ZDHHC17: variants seen among roughly 807,000 people sequenced by gnomAD.
ZDHHC17 encodes the protein zDHHC palmitoyltransferase 17.
In ZDHHC17, 40 loss-of-function variants were observed where a neutral mutation model predicts 90.3. The ratio of observed to expected loss-of-function variants is 0.44; its 90% CI spans 0.34 to 0.58. The LOEUF is 0.58. Among genes scored for constraint, ZDHHC17 ranks in the 20% least tolerant of loss-of-function variants. The pLI is 0.01. For synonymous variants in ZDHHC17, 235 were observed against 252.4 expected, an observed-to-expected ratio of 0.93 and a Z score of 0.65; for missense variants, 614 against 780.8, an observed-to-expected ratio of 0.79 and a Z score of 2.55.
chr12:76,778,721 A>G (rs1284759973), intron 1 of ZDHHC17, among the ~76,000 whole-genome samples: 1 of 152,240 alleles, frequency 6.6e-6, no homozygotes, highest in Non-Finnish European at 1.5e-5. Context: ...GATGTTAAAT[A>G]TCTTTTCATG....
At chr12:76,780,971 C>CA (rs1301468887) in intron 1 of ZDHHC17, among the ~76,000 whole-genome samples, 3,981 of 138,894 alleles carry the variant, frequency 0.029, 67 homozygotes, top group Non-Finnish European at 0.043. Flanking sequence ...ACTAAAAATA[C>CA]AAAAAAAAAA....
rs1320056904 is a variant in ZDHHC17, at chr12:76,852,477, G to A, written c.*1492G>A. ...AAAAGAAAAGGGAGATAACTAATGA[G>A]CTTCTAGTGATGTTCAAAATTGCTG... On this transcript the variant is annotated 3_prime_UTR_variant, in exon 17 of 17. Transcript: ENST00000426126. 1 of 152,636 alleles carries A rather than the reference G, an allele frequency of 6.6e-6. No homozygotes were observed. The highest frequency in any genetic ancestry group is 1.5e-5 in the Non-Finnish European group (1 of 68,040). The allele number at this position is 152,636 out of a possible 1,614,324, so 9.5% of individuals were successfully genotyped here.
chr12:76,807,957 ATGTT>A lies in ZDHHC17; in HGVS notation c.321-1083_321-1080del, dbSNP rs926794391. Among the ~76,000 whole-genome samples, 116 of 152,264 alleles carry A rather than the reference ATGTT, an allele frequency of 7.6e-4. 1 individual carries two copies. Among genetic ancestry groups the A allele is most frequent in the African/African-American group, 2.6e-3 (110 of 41,546 alleles). On this transcript the variant is annotated intron_variant, in intron 3 of 16. Coordinates refer to ENST00000426126, the MANE Select transcript of ZDHHC17 (RefSeq NM_015336.4). ...TTAAAATGGATTCAGGAATAATTAA[ATGTT>A]TGCGTTATTAATAGTTTAATATTCT...
chr12:76,838,726 T>C (rs1953398488), intron 10 of ZDHHC17, among the ~76,000 whole-genome samples: 1 of 152,218 alleles, frequency 6.6e-6, no homozygotes. Context: ...TGGTATTTCT[T>C]GATACTTAGT....
rs182756153 is a variant in ZDHHC17 at position 76,851,824 on chromosome 12, A to G, written c.*839A>G. The stretch of plus-strand genomic sequence containing the variant: ...AAAAACAGTTCCATTTTTAAGGGTT[A>G]AGGTGGTATTTTCAAGAAAAGGCAG... On this transcript the variant is annotated 3_prime_UTR_variant, in exon 17 of 17. Coordinates refer to ENST00000426126, the MANE Select transcript of ZDHHC17 (RefSeq NM_015336.4). 1 of 152,780 alleles carries G rather than the reference A, an allele frequency of 6.5e-6. No homozygotes were observed. The highest frequency in any genetic ancestry group is 6.5e-5 in the Admixed American group (1 of 15,298). 9.5% of individuals were successfully genotyped at this position (152,780 alleles called of 1,614,324 possible).
At chr12:76,838,719 T>C (rs543512392) in intron 10 of ZDHHC17, among the ~76,000 whole-genome samples, 2 of 152,342 alleles carry the variant, frequency 1.3e-5, no homozygotes, top group Admixed American at 6.5e-5. Flanking sequence ...CAAGCCTTGG[T>C]ATTTCTTGAT....
chr12:76,786,979 G>A (rs75414846), intron 1 of ZDHHC17, among the ~76,000 whole-genome samples: 20 of 152,254 alleles, frequency 1.3e-4, no homozygotes, highest in African/African-American at 3.4e-4. Flanking sequence ...TTTCAGTTAC[G>A]TATCTTTGCC....
intron 10 of ZDHHC17, among the ~76,000 whole-genome samples, chr12:76,836,794 A>C (rs187315318): frequency 6.6e-6 from 1 of 152,232 alleles, no homozygotes; most frequent in Admixed American, 6.5e-5. Flanking sequence ...CCGTGTTGCT[A>C]TATTTAGGAG....
At chr12:76,838,968 C>T (rs528436893) in intron 10 of ZDHHC17, among the ~76,000 whole-genome samples, 1 of 152,232 alleles carries the variant, frequency 6.6e-6, no homozygotes, top group South Asian at 2.1e-4. Context: ...GATCAGGGTG[C>T]CAGCAAGTTT....
rs1307332387 is a variant in ZDHHC17 at position 76,795,928 on chromosome 12, T to G, written c.94-1506T>G. On this transcript the variant is annotated intron_variant, in intron 1 of 16. Coordinates refer to ENST00000426126, the MANE Select transcript of ZDHHC17 (RefSeq NM_015336.4). ...GTATATAATTATAAATGTTAAAGTG[T>G]ATTTTAACATTGGCTATAGCATTTT... Among the ~76,000 whole-genome samples, 5 of 152,160 alleles carry G rather than the reference T, an allele frequency of 3.3e-5. No individual in the cohort carries two copies. In the East Asian group the frequency reaches 7.7e-4, roughly 23 times the overall value.
chr12:76,789,765 A>G (rs775292284), intron 1 of ZDHHC17, among the ~76,000 whole-genome samples: 3 of 152,186 alleles, frequency 2.0e-5, no homozygotes, highest in Non-Finnish European at 2.9e-5. Context: ...ACATAACTTG[A>G]GTCTAGTAAT....
chr12:76,822,394 T>G lies in ZDHHC17; in HGVS notation c.772-12T>G. 3 of 1,611,606 alleles carry G rather than the reference T, an allele frequency of 1.9e-6. No individual in the cohort carries two copies. Among genetic ancestry groups the G allele is most frequent in the Non-Finnish European group, 2.5e-6 (3 of 1,178,072 alleles). On this transcript the variant is annotated splice_polypyrimidine_tract_variant and intron_variant, in intron 7 of 16. Coordinates refer to ENST00000426126, the MANE Select transcript of ZDHHC17 (RefSeq NM_015336.4). ...AACTTTTAATAGGAATTTCTTCTGT[T>G]TATATTATCAGGGCGAATCAGCGCT...
chr12:76,817,303 G>C (rs1339700058), intron 7 of ZDHHC17, among the ~76,000 whole-genome samples: 1 of 151,996 alleles, frequency 6.6e-6, no homozygotes, highest in Non-Finnish European at 1.5e-5. Context: ...AATTATGTGA[G>C]ATTACCTCAT....
chr12:76,850,666 G>A (rs758495684), intron 16 of ZDHHC17, among the ~76,000 whole-genome samples, 181 bp from the exon 17 acceptor site: 12 of 152,236 alleles, frequency 7.9e-5, no homozygotes, highest in Non-Finnish European at 1.6e-4. Flanking sequence ...ATTGTTGGCA[G>A]AGCAGTGGAG....
At chr12:76,831,644 CTGGCCTG>C (rs1953302608) in intron 10 of ZDHHC17, among the ~76,000 whole-genome samples, 2 of 152,012 alleles carry the variant, frequency 1.3e-5, no homozygotes, top group African/African-American at 4.8e-5. Flanking sequence ...GCCACTGTGC[CTGGCCTG>C]TGGTTTTTTT....
At chr12:76,829,955 G>C (rs1953279348) in intron 10 of ZDHHC17, among the ~76,000 whole-genome samples, 1 of 152,082 alleles carries the variant, frequency 6.6e-6, no homozygotes, top group South Asian at 2.1e-4. Context: ...AGCCTCCCAA[G>C]CAGCTGGGAC....
chr12:76,772,511 T>G (rs950121624), intron 1 of ZDHHC17, among the ~76,000 whole-genome samples: 1 of 150,672 alleles, frequency 6.6e-6, no homozygotes. Flanking sequence ...CTTCGTGTTG[T>G]GTATTCTATG....
chr12:76,809,288 A>G (rs1005271474), intron 4 of ZDHHC17, among the ~76,000 whole-genome samples, 168 bp downstream of exon 4: 1 of 152,190 alleles, frequency 6.6e-6, no homozygotes, highest in African/African-American at 2.4e-5. Flanking sequence ...TAAAGAAGCA[A>G]AAGTTTATTG....
chr12:76,813,919 A>G (rs1953054027), intron 5 of ZDHHC17, among the ~76,000 whole-genome samples: 1 of 152,120 alleles, frequency 6.6e-6, no homozygotes, highest in Non-Finnish European at 1.5e-5. Context: ...TGATGGAGCT[A>G]GGAAGTCAAA....
Sources: gnomAD v4.1 joint callset for allele counts (sites outside exome capture counted in the v4.1 genomes callset) on GRCh38, gnomAD v4.1.1 for gene constraint, MANE v1.5 for transcripts, NCBI Gene and HGNC (gene_info 2026-07-23, HGNC 2026-07-21) for gene names.